The following LIMA1 variants were observed in gnomAD, a reference collection of about 807,000 sequenced individuals.
LIMA1 encodes LIM domain and actin-binding protein 1.
A neutral mutation model predicts 62.6 loss-of-function variants in LIMA1; 52 were observed. The ratio of observed to expected loss-of-function variants is 0.83; its 90% CI spans 0.67 to 1.05. LIMA1 has a LOEUF of 1.05. Among genes scored for constraint, LIMA1 ranks in the 50% least tolerant of loss-of-function variants. LIMA1 has a pLI of 0.00. For synonymous variants in LIMA1, 302 were observed against 317.8 expected (o/e 0.95, Z 0.53); for missense variants, 780 against 902.2 (o/e 0.86, Z 1.74).
chr12:50,263,610 T>C (rs970695703), intron 1 of LIMA1, among the ~76,000 whole-genome samples: 2 of 152,086 alleles, frequency 1.3e-5, no homozygotes, highest in African/African-American at 4.8e-5. Flanking sequence ...TATTTCTTAT[T>C]GTGGGGTATA....
At chr12:50,240,264 CA>C (rs1338168426) in intron 2 of LIMA1, among the ~76,000 whole-genome samples, 1 of 151,982 alleles carries the variant, frequency 6.6e-6, no homozygotes, top group Non-Finnish European at 1.5e-5. Context: ...TGCAGAAGCT[CA>C]CTGAGAGGGG....
intron 9 of LIMA1, among the ~76,000 whole-genome samples, chr12:50,191,589 A>G (rs1940772939): frequency 6.6e-6 from 1 of 152,138 alleles, no homozygotes; most frequent in Admixed American, 6.5e-5. Flanking sequence ...TGGGAGGCCA[A>G]GGCAGGCGGA....
chr12:50,184,807 G>A (rs1940589031), intron 9 of LIMA1, among the ~76,000 whole-genome samples: 1 of 151,996 alleles, frequency 6.6e-6, no homozygotes, highest in Non-Finnish European at 1.5e-5. Context: ...TTGCAGAAAG[G>A]GAATTCTGCG....
intron 8 of LIMA1, among the ~76,000 whole-genome samples, chr12:50,195,269 C>CA (rs932594634): frequency 5.9e-4 from 88 of 149,980 alleles, no homozygotes; most frequent in African/African-American, 1.4e-3. Flanking sequence ...AAGTAAAAAA[C>CA]AAAAAAAAAC....
chr12:50,186,936 G>T (rs1565829201), intron 9 of LIMA1: 1 of 152,150 alleles, frequency 6.6e-6, no homozygotes, highest in Admixed American at 6.6e-5. Flanking sequence ...AACTCTTTGG[G>T]GAGGAGAGCA....
At position 50,177,533 on chromosome 12, in the gene LIMA1, C is replaced by T. The variant is rs146805564; in HGVS notation, c.1811G>A (p.Ser604Asn). ...GATAGGTGGGGACACAGTTTTTGGG[C>T]TCTTGACAGAGGTGCTTTGAAATGA... ...AASFQSTSVK[S>N]PKTVSPPIRK... The change falls in exon 11 of 11, where the codon AGC becomes AAC. Residue 604 changes from serine to asparagine, a missense_variant. Physicochemically the swap from Ser to Asn is conservative, Grantham distance 46. Transcript: ENST00000341247. 20 of 1,611,120 alleles carry T rather than the reference C, an allele frequency of 1.2e-5. No individual in the cohort carries two copies. In the South Asian group the frequency reaches 1.5e-4, roughly 12 times the overall value.
chr12:50,212,395 GA>G (rs1224846331), intron 4 of LIMA1, among the ~76,000 whole-genome samples: 1 of 152,146 alleles, frequency 6.6e-6, no homozygotes. Flanking sequence ...ACTATGCATG[GA>G]AATCGGGGCA....
At chr12:50,193,988 TA>T (rs1445915105) in intron 8 of LIMA1, among the ~76,000 whole-genome samples, 66 of 73,934 alleles carry the variant, frequency 8.9e-4, no homozygotes, top group African/African-American at 3.5e-3. Flanking sequence ...CATATATATA[TA>T]TATATATATT....
At chr12:50,246,219 G>A (rs1473807370) in intron 2 of LIMA1, among the ~76,000 whole-genome samples, 1 of 142,836 alleles carries the variant, frequency 7.0e-6, no homozygotes, top group Non-Finnish European at 1.5e-5. Flanking sequence ...GTGACAGAGT[G>A]AGACTCCATC....
chr12:50,231,872 ATT>A (rs1565851249), intron 2 of LIMA1, among the ~76,000 whole-genome samples, 162 bp from the exon 3 acceptor site: 21 of 152,050 alleles, frequency 1.4e-4, no homozygotes, highest in African/African-American at 4.6e-4. Context: ...GGTTCGAGTG[ATT>A]CTCCTGTCTC....
chr12:50,195,278 A>C (rs963852666), intron 8 of LIMA1, among the ~76,000 whole-genome samples: 20 of 152,124 alleles, frequency 1.3e-4, no homozygotes, highest in South Asian at 4.1e-4. Context: ...ACAAAAAAAA[A>C]CATTTTTGTC....
intron 2 of LIMA1, 79 bp downstream of exon 2, chr12:50,248,554 C>A: frequency 1.1e-6 from 1 of 872,792 alleles, no homozygotes; most frequent in Non-Finnish European, 1.9e-6. Context: ...ACATTATGTA[C>A]TTCCTTCACC....
intron 1 of LIMA1, among the ~76,000 whole-genome samples, chr12:50,268,635 T>A (rs1942168652): frequency 7.0e-6 from 1 of 143,302 alleles, no homozygotes; most frequent in Admixed American, 6.9e-5. Flanking sequence ...GACAGGGTCT[T>A]GCTATGTTGC....
rs1325970932 is a variant in LIMA1 at position 50,177,240 on chromosome 12, G to C, written c.2104C>G (p.Pro702Ala). 6.2e-7 allele frequency: 1 copy of C among 1,614,072 alleles called. No individual in the cohort carries two copies. Among genetic ancestry groups the C allele is most frequent in the Admixed American group, 1.7e-5 (1 of 59,998 alleles). Residue 702 changes from proline (P) to alanine (A), a missense_variant, in exon 11 of 11, where the codon CCC becomes GCC. Physicochemically the swap from Pro to Ala is conservative, Grantham distance 27 (BLOSUM62 -1). Coordinates refer to ENST00000341247, the MANE Select transcript of LIMA1 (RefSeq NM_016357.5). The stretch of plus-strand genomic sequence containing the variant: ...AAACTCGACCAATTCAGAGACTTGG[G>C]TTCTTGTGGAGATTGTTGTTTGAGG... Reference protein sequence around the residue: ...SFLKQQSPQEPKSLNWSSFVD... With the variant: ...SFLKQQSPQEAKSLNWSSFVD...
chr12:50,225,874 C>T (rs1380330702), intron 3 of LIMA1, among the ~76,000 whole-genome samples: 4 of 152,210 alleles, frequency 2.6e-5, no homozygotes, highest in South Asian at 4.2e-4. Context: ...GTATATTATA[C>T]TGTATGTGCA....
intron 4 of LIMA1, among the ~76,000 whole-genome samples, chr12:50,215,698 C>A (rs1592527490): frequency 6.6e-6 from 1 of 152,008 alleles, no homozygotes; most frequent in Non-Finnish European, 1.5e-5. Flanking sequence ...TGGTCTTGAT[C>A]TCCTGACCTC....
rs761889209 is a variant in LIMA1, at chr12:50,177,740, G to T, written c.1604C>A (p.Pro535His). ...TKKLRIAWPPPTELGSSGSAL... is the reference protein window; with the variant it reads ...TKKLRIAWPPHTELGSSGSAL... ...ACTTCCTGAACTTCCAAGTTCAGTGGGGGGTGGCCAGGCGATCCTCAGCTT... is the reference window on the plus strand; with the variant it reads ...ACTTCCTGAACTTCCAAGTTCAGTGTGGGGTGGCCAGGCGATCCTCAGCTT... Residue 535 changes from proline to histidine, a missense_variant, in exon 11 of 11, where the codon CCC becomes CAC. Pro to His is a moderately conservative substitution (Grantham distance 77). Coordinates refer to ENST00000341247, the MANE Select transcript of LIMA1 (RefSeq NM_016357.5). 8.1e-6 allele frequency: 13 copies of T among 1,614,062 alleles called. No individual in the cohort carries two copies. The South Asian group carries it at 8.8e-5, about 11-fold the overall frequency.
At chr12:50,179,208 C>T (rs1482743806) in intron 10 of LIMA1, among the ~76,000 whole-genome samples, 1 of 151,866 alleles carries the variant, frequency 6.6e-6, no homozygotes, top group Non-Finnish European at 1.5e-5. Context: ...GTGGCATGAT[C>T]TCAGCTCACT....
chr12:50,246,965 T>C (rs1941858580), intron 2 of LIMA1, among the ~76,000 whole-genome samples: 1 of 152,078 alleles, frequency 6.6e-6, no homozygotes, highest in Admixed American at 6.6e-5. Flanking sequence ...AATCAGAATA[T>C]AGGATGATTT....
Sources: allele counts gnomAD v4.1 joint callset (sites outside exome capture counted in the v4.1 genomes callset), GRCh38; gene constraint gnomAD v4.1.1; transcripts MANE v1.5; gene names NCBI Gene and HGNC (gene_info 2026-07-23, HGNC 2026-07-21).